Variants in WWOX observed in about 807,000 individuals in gnomAD.
The protein encoded by WWOX is WW domain containing oxidoreductase.
WWOX carries 69 observed loss-of-function variants against 46.2 expected under a neutral mutation model. That is an observed-to-expected ratio of 1.49 (90% confidence interval 1.23 to 1.82). WWOX has a LOEUF of 1.82. Among genes scored for constraint, WWOX ranks in the 40% most tolerant of loss-of-function variants. The probability of loss-of-function intolerance (pLI) is 0.00; values close to 1 mark genes in which losing one functional copy is unlikely to be tolerated. For synonymous variants in WWOX, 359 were observed against 202.6 expected (o/e 1.77, Z -6.56); for missense variants, 919 against 542.6 (o/e 1.69, Z -6.89).
At chr16:78,733,022 C>T (rs572750888) in intron 8 of WWOX, among the ~76,000 whole-genome samples, 121 of 152,254 alleles carry the variant, frequency 7.9e-4, no homozygotes, top group African/African-American at 2.7e-3. Flanking sequence ...CATTCCTTTA[C>T]CCCTCTTTGC....
At chr16:78,857,626 A>G (rs1361624611) in intron 8 of WWOX, among the ~76,000 whole-genome samples, 1 of 152,170 alleles carries the variant, frequency 6.6e-6, no homozygotes, top group East Asian at 1.9e-4. Flanking sequence ...CTAGCCTAAC[A>G]TTGACTATCT....
chr16:78,358,470 C>T (rs1032845981), intron 5 of WWOX, among the ~76,000 whole-genome samples: 62 of 152,206 alleles, frequency 4.1e-4, no homozygotes, highest in African/African-American at 1.4e-3. Context: ...CCAGCCTGGC[C>T]AACATGGTGA....
At chr16:78,334,929 A>ATTT (rs2080851891) in intron 5 of WWOX, among the ~76,000 whole-genome samples, 9 of 147,394 alleles carry the variant, frequency 6.1e-5, no homozygotes, top group African/African-American at 2.3e-4. Flanking sequence ...TTTTTTAAAA[A>ATTT]AAAAAAAAAG....
At chr16:78,593,479 C>G (rs1175250777) in intron 8 of WWOX, among the ~76,000 whole-genome samples, 1 of 152,202 alleles carries the variant, frequency 6.6e-6, no homozygotes, top group African/African-American at 2.4e-5. Flanking sequence ...AAAACCATTC[C>G]TACCAGCCAG....
At chr16:78,799,289 T>G (rs1281768977) in intron 8 of WWOX, among the ~76,000 whole-genome samples, 2 of 152,184 alleles carry the variant, frequency 1.3e-5, no homozygotes, top group East Asian at 3.9e-4. Flanking sequence ...GGGTACAGTC[T>G]GTGAGAAGGA....
At chr16:79,167,425 A>G (rs28480113) in intron 8 of WWOX, among the ~76,000 whole-genome samples, 82,451 of 151,866 alleles carry the variant, frequency 0.54, 23,014 homozygotes, top group East Asian at 0.88. Flanking sequence ...GAGGGCTCAG[A>G]TGGCTCTGAC....
chr16:78,537,959 T>C (rs2043799347), intron 8 of WWOX, among the ~76,000 whole-genome samples: 1 of 152,108 alleles, frequency 6.6e-6, no homozygotes, highest in African/African-American at 2.4e-5. Flanking sequence ...GGAGGCCTGC[T>C]GATAATCAGT....
intron 8 of WWOX, among the ~76,000 whole-genome samples, chr16:79,004,914 G>A (rs2047162284): frequency 6.6e-6 from 1 of 152,112 alleles, no homozygotes; most frequent in African/African-American, 2.4e-5. Flanking sequence ...GCTTAATTCT[G>A]GCCTTTATGC....
intron 8 of WWOX, among the ~76,000 whole-genome samples, chr16:78,847,815 A>C (rs2052340296): frequency 6.6e-6 from 1 of 152,072 alleles, no homozygotes; most frequent in South Asian, 2.1e-4. Context: ...TATTTCCCTC[A>C]CCGCATCAAC....
intron 8 of WWOX, among the ~76,000 whole-genome samples, chr16:78,506,286 ACT>A (rs1271815231): frequency 5.3e-5 from 8 of 152,110 alleles, no homozygotes; most frequent in Non-Finnish European, 2.9e-5. Context: ...GCGTGCTGAC[ACT>A]CTATATCGCT....
intron 8 of WWOX, among the ~76,000 whole-genome samples, chr16:78,902,559 C>T (rs2044856477): frequency 6.6e-6 from 1 of 152,212 alleles, no homozygotes; most frequent in Admixed American, 6.5e-5. Flanking sequence ...GGGGCCTAGG[C>T]CAAAGATATG....
intron 8 of WWOX, among the ~76,000 whole-genome samples, chr16:78,806,441 T>C (rs1278202536): frequency 6.6e-6 from 1 of 152,212 alleles, no homozygotes; most frequent in African/African-American, 2.4e-5. Context: ...GAGGAACAGC[T>C]TGTCTCTGCT....
intron 8 of WWOX, among the ~76,000 whole-genome samples, chr16:78,755,913 G>C (rs964741005): frequency 2.0e-4 from 30 of 152,108 alleles, no homozygotes; most frequent in African/African-American, 7.2e-4. Flanking sequence ...TTTTTGTCAG[G>C]ACGCTATGAT....
intron 8 of WWOX, among the ~76,000 whole-genome samples, chr16:78,492,591 C>A (rs1436712789): frequency 6.6e-6 from 1 of 152,328 alleles, no homozygotes; most frequent in South Asian, 2.1e-4. Context: ...AGGAGATATT[C>A]ATGGAATCAC....
chr16:78,596,324 A>G (rs1567669129), intron 8 of WWOX, among the ~76,000 whole-genome samples: 2 of 152,132 alleles, frequency 1.3e-5, no homozygotes, highest in Non-Finnish European at 2.9e-5. Flanking sequence ...GCCTGGGTCT[A>G]CAGCAGTTTG....
intron 8 of WWOX, among the ~76,000 whole-genome samples, chr16:78,948,370 A>C (rs772126492): frequency 6.6e-6 from 1 of 151,902 alleles, no homozygotes; most frequent in Non-Finnish European, 1.5e-5. Context: ...TGCATAGAGC[A>C]CTCACACCTA....
rs889998662 is a variant in WWOX, at chr16:78,681,582, G to A, written c.1056+248830G>A. ...AAAGGAAAAAGGGAAGAAGCAAAGG[G>A]GCAATACAGGGCTCTGCCCATTAGA... On this transcript the variant is annotated intron_variant, in intron 8 of 8. Transcript: ENST00000566780. 2.6e-5 allele frequency among the ~76,000 whole-genome samples: 4 copies of A among 152,034 alleles called. No homozygotes were observed. The South Asian group carries it at 8.3e-4, about 32-fold the overall frequency.
chr16:78,656,571 G>T lies in WWOX; in HGVS notation c.1056+223819G>T, dbSNP rs149778967. 1.8e-3 allele frequency among the ~76,000 whole-genome samples: 276 copies of T among 152,296 alleles called. 3 individuals are homozygous for T. Among genetic ancestry groups the T allele is most frequent in the Middle Eastern group, 3.4e-3 (1 of 294 alleles). On this transcript the variant is annotated intron_variant, in intron 8 of 8. Coordinates refer to ENST00000566780, the MANE Select transcript of WWOX (RefSeq NM_016373.4). ...ACCCACTTTTAAACAACCAGATCTG[G>T]TGAGAACTCACTCACTGTCATGAGA...
chr16:78,990,308 G>C (rs558116291), intron 8 of WWOX, among the ~76,000 whole-genome samples: 144 of 152,196 alleles, frequency 9.5e-4, no homozygotes, highest in African/African-American at 3.2e-3. Context: ...ACTGTGCATT[G>C]GTTCTAAGTC....
Sources: gnomAD v4.1 joint callset for allele counts (sites outside exome capture counted in the v4.1 genomes callset) on GRCh38, gnomAD v4.1.1 for gene constraint, MANE v1.5 for transcripts, NCBI Gene and HGNC (gene_info 2026-07-23, HGNC 2026-07-21) for gene names.